FBXO8: variants seen among roughly 807,000 people sequenced by gnomAD.
FBXO8 encodes the protein F-box protein 8.
A neutral mutation model predicts 33.4 loss-of-function variants in FBXO8; 15 were observed. The ratio of observed to expected loss-of-function variants is 0.45; its 90% CI spans 0.30 to 0.69. The LOEUF is 0.69. FBXO8 is among the 30% of genes least tolerant of loss of function. The probability of loss-of-function intolerance (pLI) is 0.08; values close to 1 mark genes in which losing one functional copy is unlikely to be tolerated. For missense variants in FBXO8, 274 were observed against 380.3 expected, an observed-to-expected ratio of 0.72 and a Z score of 2.32; for synonymous variants, 132 against 131.5, an observed-to-expected ratio of 1.00 and a Z score of -0.02.
chr4:174,269,945 C>T (rs1356832731), intron 1 of FBXO8, among the ~76,000 whole-genome samples: 1 of 152,166 alleles, frequency 6.6e-6, no homozygotes, highest in Non-Finnish European at 1.5e-5. Flanking sequence ...TCAACTAATG[C>T]TCCTTGTGTC....
rs890930794 is a variant in FBXO8 at position 174,245,070 on chromosome 4, A to G, written c.457-3852T>C. ...ATTGTCCACATTTTATTTTTGAAAC[A>G]TATTAAACACAAGGTGTGATATGCA... is the stretch of plus-strand genomic sequence containing the variant. On this transcript the variant is annotated intron_variant, in intron 3 of 5. Coordinates refer to ENST00000393674, the MANE Select transcript of FBXO8 (RefSeq NM_012180.3). This position sits in a 1 kb window ranked among gnomAD's most constrained non-coding sequence, Gnocchi z 4.6. Among the ~76,000 whole-genome samples, 7 of 151,888 alleles carry G rather than the reference A, an allele frequency of 4.6e-5. No homozygotes were observed. The highest frequency in any genetic ancestry group is 9.7e-5 in the African/African-American group (4 of 41,424).
rs1736661441 is a variant in FBXO8 at position 174,265,042 on chromosome 4, G to A, written c.-8-1942C>T. 6.6e-6 allele frequency among the ~76,000 whole-genome samples: 1 copy of A among 152,020 alleles called. No individual in the cohort carries two copies. Among genetic ancestry groups the A allele is most frequent in the Admixed American group, 6.6e-5 (1 of 15,260 alleles). The stretch of plus-strand genomic sequence containing the variant: ...AGATGCTCAACATCATATGTCGTGA[G>A]GGAACTGAAAATAACATAACTATGA... On this transcript the variant is annotated intron_variant, in intron 1 of 5. Transcript: ENST00000393674. This position sits in a 1 kb window ranked among gnomAD's most constrained non-coding sequence, Gnocchi z 4.7.
rs765444495 is a variant in FBXO8 at position 174,281,761 on chromosome 4, G to A, written c.-9+1649C>T. 6.6e-6 allele frequency among the ~76,000 whole-genome samples: 1 copy of A among 152,070 alleles called. No homozygotes were observed. Among genetic ancestry groups the A allele is most frequent in the Non-Finnish European group, 1.5e-5 (1 of 68,016 alleles). On this transcript the variant is annotated intron_variant, in intron 1 of 5. Coordinates refer to ENST00000393674, the MANE Select transcript of FBXO8 (RefSeq NM_012180.3). This position sits in a 1 kb window ranked among gnomAD's most constrained non-coding sequence, Gnocchi z 4.6. ...GCCAAAAATGTTTTAGTTTATTAGA[G>A]AGCTAAGTCAAGAAATTTGTCAGAA...
chr4:174,269,332 A>G (rs899338922), intron 1 of FBXO8, among the ~76,000 whole-genome samples: 2 of 151,306 alleles, frequency 1.3e-5, no homozygotes, highest in Non-Finnish European at 3.0e-5. Context: ...AAAAAAAAAA[A>G]TGGGGGAAAA....
intron 1 of FBXO8, among the ~76,000 whole-genome samples, chr4:174,280,313 T>C (rs1284537919): frequency 2.0e-5 from 3 of 151,936 alleles, no homozygotes; most frequent in African/African-American, 4.8e-5. Flanking sequence ...ATTAAGATAG[T>C]TACTATCGAA....
chr4:174,267,410 G>A lies in FBXO8; in HGVS notation c.-8-4310C>T, dbSNP rs1298488844. ...AATACAAAAAAAGTTAGCTAGGTGC[G>A]ATGGTGCATACCTGTAGTCCTATCC... On this transcript the variant is annotated intron_variant, in intron 1 of 5. Coordinates refer to ENST00000393674, the MANE Select transcript of FBXO8 (RefSeq NM_012180.3). The surrounding 1 kb of genome is among the most constrained non-coding windows in gnomAD (Gnocchi z 4.7). 6.6e-6 allele frequency among the ~76,000 whole-genome samples: 1 copy of A among 152,094 alleles called. No individual in the cohort carries two copies. The highest frequency in any genetic ancestry group is 1.5e-5 in the Non-Finnish European group (1 of 68,018).
Position 174,262,908 on chromosome 4 carries a change from G to C in FBXO8, c.185C>G (p.Ser62Trp). ...DIYHLLKARK[S>W]KEQEGFINLE... ...ATTAATGAATCCTTCCTGTTCTTTC[G>C]ATTTCCTTGCCTTCAAAAGATGATA... Residue 62 changes from serine to tryptophan, a missense_variant, in exon 2 of 6, where the codon TCG becomes TGG. Ser to Trp is a radical substitution (Grantham distance 177). Around this residue, in one of 2 missense-constraint regions of FBXO8, gnomAD observed 88 missense variants for 86.9 expected, o/e 1.01. Coordinates refer to ENST00000393674, the MANE Select transcript of FBXO8 (RefSeq NM_012180.3). This position sits in a 1 kb window ranked among gnomAD's most constrained non-coding sequence, Gnocchi z 4.6. 4.3e-6 allele frequency: 7 copies of C among 1,613,996 alleles called. No individual in the cohort carries two copies. The highest frequency in any genetic ancestry group is 5.1e-6 in the Non-Finnish European group (6 of 1,179,942).
intron 1 of FBXO8, among the ~76,000 whole-genome samples, chr4:174,279,598 C>T (rs949712334): frequency 1.3e-5 from 2 of 152,002 alleles, no homozygotes; most frequent in African/African-American, 4.8e-5. Flanking sequence ...GATTTCAAAA[C>T]TTATTACAAA....
chr4:174,250,834 A>G (rs1201995203), intron 3 of FBXO8, among the ~76,000 whole-genome samples: 2 of 152,152 alleles, frequency 1.3e-5, no homozygotes, highest in African/African-American at 4.8e-5. Context: ...AACAATTGCT[A>G]AATTCATGAA....
Position 174,262,715 on chromosome 4 carries a change from TG to T in FBXO8, c.329+48del, listed in dbSNP as rs751071891. 1 of 1,474,814 alleles carries T rather than the reference TG, an allele frequency of 6.8e-7. No individual in the cohort carries two copies. The highest frequency in any genetic ancestry group is 9.4e-7 in the Non-Finnish European group (1 of 1,063,704). 91.4% of individuals were successfully genotyped at this position (1,474,814 alleles called of 1,614,324 possible). A position where few individuals can be genotyped will look rare whatever the true frequency, so the allele number is the denominator to read the frequency against. ...ACATTATAAAAAGAACATTGAAGCA[TG>T]ATTATGTTTAGAGATACCTGAATTC... is the stretch of plus-strand genomic sequence containing the variant. On this transcript the variant is annotated intron_variant, in intron 2 of 5. Coordinates refer to ENST00000393674, the MANE Select transcript of FBXO8 (RefSeq NM_012180.3). This position sits in a 1 kb window ranked among gnomAD's most constrained non-coding sequence, Gnocchi z 4.6.
chr4:174,259,711 G>T lies in FBXO8; in HGVS notation c.444C>A (p.Ala148=). Residue 148 remains alanine (A), a synonymous_variant, in exon 3 of 6, where the codon GCC becomes GCA. Transcript: ENST00000393674. This position sits in a 1 kb window ranked among gnomAD's most constrained non-coding sequence, Gnocchi z 4.3. ...QLDEGSLTFN[A]NPDEGVNYFM... ...GTTCTTCACTAACCTCATCTGGGTT[G>T]GCATTAAAGGTGAGGCTGCCTTCAT... 2 of 1,609,602 alleles carry T rather than the reference G, an allele frequency of 1.2e-6. No homozygotes were observed. Among genetic ancestry groups the T allele is most frequent in the Non-Finnish European group, 1.7e-6 (2 of 1,178,254 alleles).
At chr4:174,248,973 C>T (rs115182227) in intron 3 of FBXO8, among the ~76,000 whole-genome samples, 1 of 151,986 alleles carries the variant, frequency 6.6e-6, no homozygotes, top group Non-Finnish European at 1.5e-5. Flanking sequence ...AGGTATAGGA[C>T]AGGTCTTCCT....
At chr4:174,258,103 A>AGACTT in intron 3 of FBXO8, among the ~76,000 whole-genome samples, 1 of 152,174 alleles carries the variant, frequency 6.6e-6, no homozygotes, top group Non-Finnish European at 1.5e-5. Context: ...TTAAGTCTAA[A>AGACTT]TAAAGAATTA....
At position 174,237,626 on chromosome 4, in the gene FBXO8, T is replaced by A; in HGVS notation, c.773-27A>T. ...TGGAAAGAAAAAGAAACAGTTCAAA[T>A]TATTAGTTGGTTTACAAAATATGAT... On this transcript the variant is annotated intron_variant, in intron 5 of 5. Coordinates refer to ENST00000393674, the MANE Select transcript of FBXO8 (RefSeq NM_012180.3). The surrounding 1 kb of genome is among the most constrained non-coding windows in gnomAD (Gnocchi z 4.4). 6.4e-7 allele frequency: 1 copy of A among 1,563,902 alleles called. No homozygotes were observed. Among genetic ancestry groups the A allele is most frequent in the South Asian group, 1.2e-5 (1 of 85,598 alleles).
rs1736864004 is a variant in FBXO8 at position 174,272,610 on chromosome 4, T to C, written c.-8-9510A>G. On this transcript the variant is annotated intron_variant, in intron 1 of 5. Transcript: ENST00000393674. The surrounding 1 kb of genome is among the most constrained non-coding windows in gnomAD (Gnocchi z 4.7). ...GGAAAGCTCTTTTTTAGAGTAGAAT[T>C]CTAATTAAAGAAGATAGAAAGAATA... 6.6e-6 allele frequency among the ~76,000 whole-genome samples: 1 copy of C among 152,162 alleles called. No individual in the cohort carries two copies. Among genetic ancestry groups the C allele is most frequent in the South Asian group, 2.1e-4 (1 of 4,836 alleles).
rs1736444075 is a variant in FBXO8 at position 174,257,567 on chromosome 4, T to A, written c.456+2132A>T. Among the ~76,000 whole-genome samples, 2 of 152,200 alleles carry A rather than the reference T, an allele frequency of 1.3e-5. No homozygotes were observed. ...AAACAGCTGCCTCTCCTGATTCTTA[T>A]GTACTGTACAGTACAGCACTGTACC... On this transcript the variant is annotated intron_variant, in intron 3 of 5. Coordinates refer to ENST00000393674, the MANE Select transcript of FBXO8 (RefSeq NM_012180.3). The surrounding 1 kb of genome is among the most constrained non-coding windows in gnomAD (Gnocchi z 4.3).
chr4:174,256,364 A>C lies in FBXO8; in HGVS notation c.456+3335T>G, dbSNP rs1736414955. Among the ~76,000 whole-genome samples, 9 of 152,324 alleles carry C rather than the reference A, an allele frequency of 5.9e-5. No individual in the cohort carries two copies. In the South Asian group the frequency reaches 1.9e-3, roughly 32 times the overall value. On this transcript the variant is annotated intron_variant, in intron 3 of 5. Transcript: ENST00000393674. The surrounding 1 kb of genome is among the most constrained non-coding windows in gnomAD (Gnocchi z 4.6). ...AACCTAAAATAATATATCTGATGAC[A>C]GTGCTCCAGTGAGTGGGGAAAAAGA...
At position 174,241,182 on chromosome 4, in the gene FBXO8, C is replaced by T. The variant is rs1490479999; in HGVS notation, c.493G>A (p.Asp165Asn). The stretch of plus-strand genomic sequence containing the variant: ...AACTTTGCTATTTCCTTTGGCGAAT[C>T]ATCCAGGATACCCTTGGACATAAAG... Reference protein sequence around the residue: ...NYFMSKGILDDSPKEIAKFIF... With the variant: ...NYFMSKGILDNSPKEIAKFIF... Residue 165 changes from aspartate to asparagine, a missense_variant, in exon 4 of 6, where the codon GAT becomes AAT. By Grantham distance (23) the Asp-to-Asn change is conservative. Around this residue, in one of 2 missense-constraint regions of FBXO8, gnomAD observed 186 missense variants for 293.4 expected, o/e 0.63. Transcript: ENST00000393674. The surrounding 1 kb of genome is among the most constrained non-coding windows in gnomAD (Gnocchi z 4.2). 6.2e-7 allele frequency: 1 copy of T among 1,609,928 alleles called. No individual in the cohort carries two copies. Among genetic ancestry groups the T allele is most frequent in the East Asian group, 2.2e-5 (1 of 44,722 alleles).
In FBXO8 at chr4:174,262,907, C is replaced by A; in HGVS notation, c.186G>T (p.Ser62=). The change falls in exon 2 of 6, where the codon TCG becomes TCT. Residue 62 remains serine (S), a synonymous_variant. Transcript: ENST00000393674. This position sits in a 1 kb window ranked among gnomAD's most constrained non-coding sequence, Gnocchi z 4.6. The stretch of plus-strand genomic sequence containing the variant: ...AATTAATGAATCCTTCCTGTTCTTT[C>A]GATTTCCTTGCCTTCAAAAGATGAT... ...DIYHLLKARK[S]KEQEGFINLE... The A allele has an allele frequency of 3.7e-6, 6 of 1,614,040 alleles. No individual in the cohort carries two copies. Among genetic ancestry groups the A allele is most frequent in the Non-Finnish European group, 3.4e-6 (4 of 1,179,940 alleles).
Sources: allele counts gnomAD v4.1 joint callset (sites outside exome capture counted in the v4.1 genomes callset), GRCh38; gene constraint gnomAD v4.1.1; regional missense constraint gnomAD v4.1.1; non-coding constraint Gnocchi (gnomAD v3.1); transcripts MANE v1.5; gene names NCBI Gene and HGNC (gene_info 2026-07-23, HGNC 2026-07-21).